ROBO2: variants seen among roughly 807,000 people sequenced by gnomAD.
ROBO2 encodes the protein roundabout homolog 2.
In ROBO2, 53 loss-of-function variants were observed where a neutral mutation model predicts 160.8. The observed-to-expected ratio is 0.33, with a 90% CI of 0.26 to 0.41. The LOEUF (loss-of-function observed/expected upper bound fraction) is 0.41. ROBO2 is among the 10% of genes least tolerant of loss of function. The pLI, the probability that ROBO2 is intolerant of heterozygous loss-of-function variation, is 1.00. For missense variants in ROBO2, 1,577 were observed against 1,722.4 expected (o/e 0.92, Z 1.49); for synonymous variants, 664 against 611.7 (o/e 1.09, Z -1.26).
chr3:76,781,160 T>C (rs1004852360), intron 2 of ROBO2, among the ~76,000 whole-genome samples: 2 of 150,840 alleles, frequency 1.3e-5, no homozygotes, highest in African/African-American at 4.8e-5. Context: ...ATAAGTATTT[T>C]ATTCCTTTTG....
chr3:77,032,417 T>G (rs2063379962), intron 2 of ROBO2, among the ~76,000 whole-genome samples: 1 of 152,194 alleles, frequency 6.6e-6, no homozygotes, highest in African/African-American at 2.4e-5. Context: ...ACAATTAATT[T>G]AAAAGGTATA....
Position 76,450,142 on chromosome 3 carries a change from G to T in ROBO2, c.109+512540G>T, listed in dbSNP as rs574591558. On this transcript the variant is annotated intron_variant, in intron 2 of 26. Transcript: ENST00000487694. The stretch of plus-strand genomic sequence containing the variant: ...TCCTTACAAGTATTCTTAGCCCTGT[G>T]GTTTTATGTTTTTCAATGCTGATAG... Among the ~76,000 whole-genome samples, 17 of 152,184 alleles carry T rather than the reference G, an allele frequency of 1.1e-4. No individual in the cohort carries two copies. The East Asian group carries it at 2.9e-3, about 26-fold the overall frequency.
chr3:75,929,141 C>A, intron 1 of ROBO2, among the ~76,000 whole-genome samples: 1 of 141,264 alleles, frequency 7.1e-6, no homozygotes, highest in African/African-American at 2.7e-5. Context: ...TTCAATGTAC[C>A]TTCAAACATG....
At chr3:77,314,334 C>T (rs1310972720) in intron 2 of ROBO2, among the ~76,000 whole-genome samples, 1 of 152,148 alleles carries the variant, frequency 6.6e-6, no homozygotes, top group African/African-American at 2.4e-5. Context: ...TGACTTAACT[C>T]CATATTTTAA....
chr3:76,684,150 G>A (rs1169337163), intron 2 of ROBO2, among the ~76,000 whole-genome samples: 3 of 151,824 alleles, frequency 2.0e-5, no homozygotes, highest in Non-Finnish European at 4.4e-5. Context: ...AAACAAACAA[G>A]CAACAAACAA....
intron 2 of ROBO2, among the ~76,000 whole-genome samples, chr3:76,904,146 A>C (rs953438504): frequency 6.6e-6 from 1 of 152,170 alleles, no homozygotes; most frequent in Non-Finnish European, 1.5e-5. Flanking sequence ...TGTACTTTTT[A>C]TGATTCATTT....
intron 2 of ROBO2, among the ~76,000 whole-genome samples, chr3:77,340,281 AGTAGTAATATGAAC>A (rs2066926768): frequency 6.6e-6 from 1 of 152,134 alleles, no homozygotes. Context: ...CAATAGAATT[AGTAGTAATATGAAC>A]GTGAAAAGTC....
chr3:76,499,633 T>C (rs1005304202), intron 2 of ROBO2, among the ~76,000 whole-genome samples: 1 of 152,220 alleles, frequency 6.6e-6, no homozygotes, highest in Non-Finnish European at 1.5e-5. Context: ...TCATTCTTCC[T>C]GCAGCCATTC....
chr3:77,640,479 C>T lies in ROBO2; in HGVS notation c.3935-4225C>T, dbSNP rs754628751. On this transcript the variant is annotated intron_variant, in intron 24 of 25. Transcript: ENST00000461745. Reference sequence around the variant, plus strand: ...CATGAAATTTGAGAAGCTTTCTGAACACCTAAGTGGAACTGTCCAGTGTAG... The same window carrying T: ...CATGAAATTTGAGAAGCTTTCTGAATACCTAAGTGGAACTGTCCAGTGTAG... Among the ~76,000 whole-genome samples, 4 of 152,146 alleles carry T rather than the reference C, an allele frequency of 2.6e-5. No individual in the cohort carries two copies. The South Asian group carries it at 6.2e-4, about 24-fold the overall frequency.
At chr3:77,220,097 G>A (rs945735206) in intron 2 of ROBO2, among the ~76,000 whole-genome samples, 14 of 151,908 alleles carry the variant, frequency 9.2e-5, no homozygotes, top group African/African-American at 2.9e-4. Flanking sequence ...TGCAACCTCC[G>A]CCTCTTGGGT....
intron 1 of ROBO2, among the ~76,000 whole-genome samples, chr3:77,043,554 C>G (rs1277283569): frequency 1.3e-5 from 2 of 152,108 alleles, no homozygotes; most frequent in South Asian, 2.1e-4. Flanking sequence ...ATAAACTTTT[C>G]TATTTGGGAT....
At chr3:77,531,780 G>T (rs1241075277) in intron 6 of ROBO2, among the ~76,000 whole-genome samples, 40 of 152,098 alleles carry the variant, frequency 2.6e-4, no homozygotes, top group Non-Finnish European at 1.5e-5. Flanking sequence ...TGCAAAAGAT[G>T]TTCTAAGTGT....
intron 2 of ROBO2, among the ~76,000 whole-genome samples, chr3:76,022,438 C>T (rs536686949): frequency 6.6e-6 from 1 of 151,668 alleles, no homozygotes; most frequent in East Asian, 1.9e-4. Context: ...GCAGCAATAA[C>T]CTTATCATAT....
intron 2 of ROBO2, among the ~76,000 whole-genome samples, chr3:76,600,906 T>C (rs1041090208): frequency 6.6e-6 from 1 of 152,088 alleles, no homozygotes; most frequent in Non-Finnish European, 1.5e-5. Context: ...CTCCCACCTA[T>C]GAGCCTGTAA....
At chr3:76,363,085 G>T (rs2075615156) in intron 2 of ROBO2, among the ~76,000 whole-genome samples, 1 of 151,946 alleles carries the variant, frequency 6.6e-6, no homozygotes, top group Non-Finnish European at 1.5e-5. Context: ...TTTGTGAATT[G>T]CTTCATTTTG....
intron 2 of ROBO2, among the ~76,000 whole-genome samples, chr3:76,834,095 T>TTTCTTTCG (rs2067403517): frequency 6.8e-6 from 1 of 147,192 alleles, no homozygotes; most frequent in African/African-American, 2.5e-5. Flanking sequence ...TCTTTCTTTC[T>TTTCTTTCG]TTCTTTCTTT....
At chr3:77,585,768 C>G (rs868515199) in intron 16 of ROBO2, among the ~76,000 whole-genome samples, 1 of 151,744 alleles carries the variant, frequency 6.6e-6, no homozygotes, top group Non-Finnish European at 1.5e-5. Context: ...AACATCTTGT[C>G]TGATGCCCTT....
chr3:77,101,541 T>C (rs2071931363), intron 2 of ROBO2, among the ~76,000 whole-genome samples: 1 of 152,108 alleles, frequency 6.6e-6, no homozygotes, highest in Non-Finnish European at 1.5e-5. Flanking sequence ...CGGAAGTATA[T>C]AGAAGTAGAT....
At chr3:76,439,893 C>T (rs1055219654) in intron 2 of ROBO2, among the ~76,000 whole-genome samples, 1 of 152,068 alleles carries the variant, frequency 6.6e-6, no homozygotes, top group Non-Finnish European at 1.5e-5. Context: ...CATTGGTAGC[C>T]CCAGAGAATC....
Sources: gnomAD v4.1 joint callset for allele counts (sites outside exome capture counted in the v4.1 genomes callset) on GRCh38, gnomAD v4.1.1 for gene constraint, MANE v1.5 for transcripts, NCBI Gene and HGNC (gene_info 2026-07-23, HGNC 2026-07-21) for gene names.